The following DPP9 variants were observed in gnomAD, a reference collection of about 807,000 sequenced individuals.
DPP9 encodes dipeptidyl peptidase 9, also known as dipeptidyl peptidase IV-related protein-2.
A neutral mutation model predicts 110.7 loss-of-function variants in DPP9; 50 were observed. That is an observed-to-expected ratio of 0.45 (90% CI 0.36 to 0.57). DPP9 has a LOEUF of 0.57. DPP9 is among the 20% of genes least tolerant of loss of function. DPP9 has a pLI of 0.00. For missense variants in DPP9, 1,022 were observed against 1,217.9 expected (o/e 0.84, Z 2.39); for synonymous variants, 561 against 514.4 (o/e 1.09, Z -1.23).
At position 4,708,693 on chromosome 19, in the gene DPP9, C is replaced by T. The variant is rs192500946; in HGVS notation, c.314-2723G>A. 6.0e-4 allele frequency among the ~76,000 whole-genome samples: 91 copies of T among 152,214 alleles called. 2 individuals carry two copies. Among genetic ancestry groups the T allele is most frequent in the Admixed American group, 2.9e-3 (44 of 15,284 alleles). On this transcript the variant is annotated intron_variant, in intron 4 of 21. Coordinates refer to ENST00000262960, the MANE Select transcript of DPP9 (RefSeq NM_139159.5). Reference sequence around the variant, plus strand: ...AGAAAAGTAATGCAGGAACAGAAAACCAAATACCACATGTTCTCACTTTAT... The same window carrying T: ...AGAAAAGTAATGCAGGAACAGAAAATCAAATACCACATGTTCTCACTTTAT...
chr19:4,680,852 G>A (rs1391798939), intron 20 of DPP9, among the ~76,000 whole-genome samples: 1 of 152,034 alleles, frequency 6.6e-6, no homozygotes, highest in East Asian at 1.9e-4. Flanking sequence ...AGCTACTGAG[G>A]AGGCTGAGGC....
chr19:4,688,573 G>T, intron 16 of DPP9, 184 bp downstream of exon 16: 1 of 761,104 alleles, frequency 1.3e-6, no homozygotes, highest in South Asian at 3.5e-5. Context: ...GGACCGTCTC[G>T]GACGGCAGGG....
rs187587942 is a variant in DPP9, at chr19:4,699,367, G to A, written c.1074+849C>T. Among the ~76,000 whole-genome samples the A allele has an allele frequency of 2.2e-3, 327 of 152,042 alleles. 1 individual carries two copies. Among genetic ancestry groups the A allele is most frequent in the African/African-American group, 7.5e-3 (310 of 41,452 alleles). ...TCTGCCCCAGCCTCTTTGGCCCAGG[G>A]CTCTGTCTGCGAGTTCTCCAACATG... On this transcript the variant is annotated intron_variant, in intron 10 of 21. Transcript: ENST00000262960.
chr19:4,703,670 C>CAA (rs561951827), intron 7 of DPP9, among the ~76,000 whole-genome samples: 14 of 117,692 alleles, frequency 1.2e-4, no homozygotes, highest in African/African-American at 2.6e-4. Flanking sequence ...GAGACTCTCT[C>CAA]AAAAAAAAAA....
Position 4,694,494 on chromosome 19 carries a change from C to T in DPP9, c.1516+167G>A. ...AGCCAACAGTTGGGTGCTCTAAGCC[C>T]TGCCAGATCATGCAGTCACTGGGGA... On this transcript the variant is annotated intron_variant, in intron 13 of 21. Transcript: ENST00000262960. This position sits in a 1 kb window ranked among gnomAD's most constrained non-coding sequence, Gnocchi z 4.0. The T allele has an allele frequency of 1.2e-6, 1 of 865,926 alleles. No individual in the cohort carries two copies. The highest frequency in any genetic ancestry group is 1.7e-6 in the Non-Finnish European group (1 of 572,242). 53.6% of individuals were successfully genotyped at this position (865,926 alleles called of 1,614,324 possible). A position where few individuals can be genotyped will look rare whatever the true frequency, so the allele number is the denominator to read the frequency against.
intron 4 of DPP9, among the ~76,000 whole-genome samples, chr19:4,709,569 G>A (rs765019521): frequency 6.6e-6 from 1 of 152,104 alleles, no homozygotes; most frequent in Non-Finnish European, 1.5e-5. Flanking sequence ...GTGTGATTTC[G>A]CTCGTGTGAA....
chr19:4,717,203 A>G (rs1459401766), intron 3 of DPP9, among the ~76,000 whole-genome samples: 1 of 152,194 alleles, frequency 6.6e-6, no homozygotes, highest in Non-Finnish European at 1.5e-5. Flanking sequence ...TCCTCCTGAG[A>G]CAGAAATAAA....
chr19:4,681,410 G>A (rs532837398), intron 20 of DPP9, among the ~76,000 whole-genome samples: 1 of 152,232 alleles, frequency 6.6e-6, no homozygotes, highest in East Asian at 1.9e-4. Context: ...CACCCTTCCA[G>A]GTTCAAGCAA....
At chr19:4,707,916 A>G (rs2092665585) in intron 4 of DPP9, among the ~76,000 whole-genome samples, 1 of 152,062 alleles carries the variant, frequency 6.6e-6, no homozygotes, top group Non-Finnish European at 1.5e-5. Flanking sequence ...ATGAGCCACC[A>G]CACCCGGCCC....
chr19:4,678,157 G>A (rs2089171887), intron 21 of DPP9, among the ~76,000 whole-genome samples: 1 of 151,676 alleles, frequency 6.6e-6, no homozygotes, highest in Non-Finnish European at 1.5e-5. Flanking sequence ...CTGCCGCCCA[G>A]GCTGGAGTGC....
At position 4,714,293 on chromosome 19, in the gene DPP9, C is replaced by T. The variant is rs748525527; in HGVS notation, c.101G>A (p.Gly34Glu). Residue 34 changes from glycine (G) to glutamate (E), a missense_variant, in exon 4 of 22, where the codon GGG becomes GAG. This residue lies in a region of DPP9 where 810 missense variants were observed against 920.6 expected (regional missense o/e 0.88). Coordinates refer to ENST00000262960, the MANE Select transcript of DPP9 (RefSeq NM_139159.5). ...SEGAERMATTGTPTADRGDAA... is the reference protein window; with the variant it reads ...SEGAERMATTETPTADRGDAA... Reference sequence around the variant, plus strand: ...GTCGCCTCGGTCGGCCGTTGGGGTCCCGGTGGTGGCCATCCTCTCAGCCCC... The same window carrying T: ...GTCGCCTCGGTCGGCCGTTGGGGTCTCGGTGGTGGCCATCCTCTCAGCCCC... 23 of 1,541,026 alleles carry T rather than the reference C, an allele frequency of 1.5e-5. No individual in the cohort carries two copies. Among genetic ancestry groups the T allele is most frequent in the Admixed American group, 2.0e-5 (1 of 50,970 alleles).
In DPP9 at chr19:4,694,645, G is replaced by A. The variant is rs147655208; in HGVS notation, c.1516+16C>T. 16 of 1,606,940 alleles carry A rather than the reference G, an allele frequency of 1.0e-5. No individual in the cohort carries two copies. Among genetic ancestry groups the A allele is most frequent in the Middle Eastern group, 1.7e-4 (1 of 6,054 alleles). ...CTAACGCGATGAGTCGACAGCATTC[G>A]TCAGGCTCTGCTCACCTTCCCCGGG... is the stretch of plus-strand genomic sequence containing the variant. On this transcript the variant is annotated intron_variant, in intron 13 of 21. Transcript: ENST00000262960. This position sits in a 1 kb window ranked among gnomAD's most constrained non-coding sequence, Gnocchi z 4.0.
chr19:4,699,743 T>C (rs988121080), intron 10 of DPP9, among the ~76,000 whole-genome samples: 2 of 152,106 alleles, frequency 1.3e-5, no homozygotes, highest in African/African-American at 4.8e-5. Flanking sequence ...CTCCCCACAG[T>C]AGCTGACGGG....
At position 4,687,935 on chromosome 19, in the gene DPP9, T is replaced by C. The variant is rs1030229416; in HGVS notation, c.1885+822A>G. Among the ~76,000 whole-genome samples the C allele has an allele frequency of 1.3e-5, 2 of 152,166 alleles. No homozygotes were observed. Among genetic ancestry groups the C allele is most frequent in the African/African-American group, 4.8e-5 (2 of 41,444 alleles). ...GCCTCAGCCTCCCGAGTAGTGGGAC[T>C]ACAGGCGCCCGCCACCATGCTCGGC... is the stretch of plus-strand genomic sequence containing the variant. On this transcript the variant is annotated intron_variant, in intron 16 of 21. Coordinates refer to ENST00000262960, the MANE Select transcript of DPP9 (RefSeq NM_139159.5). The surrounding 1 kb of genome is among the most constrained non-coding windows in gnomAD (Gnocchi z 4.7).
At position 4,675,380 on chromosome 19, in the gene DPP9, C is replaced by T. The variant is rs1438905737; in HGVS notation, c.*1184G>A. 3 of 149,006 alleles carry T rather than the reference C, an allele frequency of 2.0e-5. No individual in the cohort carries two copies. Among genetic ancestry groups the T allele is most frequent in the Admixed American group, 6.7e-5 (1 of 14,990 alleles). 9.2% of individuals were successfully genotyped at this position (149,006 alleles called of 1,614,324 possible). A position where few individuals can be genotyped will look rare whatever the true frequency, so the allele number is the denominator to read the frequency against. ...TTTTCTTTTTACTTTTTTTTTTGCC[C>T]GCCCCTGGCAGAGCTCTTGGCGGGG... On this transcript the variant is annotated 3_prime_UTR_variant, in exon 22 of 22. Coordinates refer to ENST00000262960, the MANE Select transcript of DPP9 (RefSeq NM_139159.5).
chr19:4,712,008 C>T (rs2092858868), intron 4 of DPP9, among the ~76,000 whole-genome samples: 1 of 152,046 alleles, frequency 6.6e-6, no homozygotes, highest in Non-Finnish European at 1.5e-5. Flanking sequence ...TTCTGCCCTC[C>T]AGAAGTGTGA....
chr19:4,702,701 A>G lies in DPP9; in HGVS notation c.785T>C (p.Leu262Pro), dbSNP rs944891525. 8.8e-6 allele frequency: 14 copies of G among 1,592,518 alleles called. No homozygotes were observed. The African/African-American group carries it at 1.5e-4, about 17-fold the overall frequency. ...TFCHQGLSNVLDDPKSAGVAT... is the reference protein window; with the variant it reads ...TFCHQGLSNVPDDPKSAGVAT... ...CACACCCGCAGACTTGGGGTCATCC[A>G]GGACATTGGATAAACCTAGGGGGAG... is the stretch of plus-strand genomic sequence containing the variant. The change falls in exon 8 of 22, where the codon CTG becomes CCG. Residue 262 changes from leucine (L) to proline (P), a missense_variant. By Grantham distance (98) the Leu-to-Pro change is moderately conservative (BLOSUM62 -3). Coordinates refer to ENST00000262960, the MANE Select transcript of DPP9 (RefSeq NM_139159.5).
Position 4,685,935 on chromosome 19 carries a change from A to C in DPP9, c.1886-164T>G. 1.3e-6 allele frequency: 1 copy of C among 755,444 alleles called. No individual in the cohort carries two copies. 46.8% of individuals were successfully genotyped at this position (755,444 alleles called of 1,614,324 possible). On this transcript the variant is annotated intron_variant, in intron 16 of 21. Transcript: ENST00000262960. This position sits in a 1 kb window ranked among gnomAD's most constrained non-coding sequence, Gnocchi z 5.8. Reference sequence around the variant, plus strand: ...TGAAAAAAACGTTTTTTTTTCATTAAATAAGATTTGTACAGTTTTTGTAGA... The same window carrying C: ...TGAAAAAAACGTTTTTTTTTCATTACATAAGATTTGTACAGTTTTTGTAGA...
At chr19:4,699,803 C>T (rs770649326) in intron 10 of DPP9, among the ~76,000 whole-genome samples, 1 of 152,154 alleles carries the variant, frequency 6.6e-6, no homozygotes, top group Non-Finnish European at 1.5e-5. Flanking sequence ...GGAAACAGCC[C>T]GTCCGAAGTT....
Sources: allele counts gnomAD v4.1 joint callset (sites outside exome capture counted in the v4.1 genomes callset), GRCh38; gene constraint gnomAD v4.1.1; regional missense constraint gnomAD v4.1.1; non-coding constraint Gnocchi (gnomAD v3.1); transcripts MANE v1.5; gene names NCBI Gene and HGNC (gene_info 2026-07-23, HGNC 2026-07-21).